Variants in DMD observed in about 807,000 individuals in gnomAD.
The protein encoded by DMD is dystrophin.
In DMD, 63 loss-of-function variants were observed where a neutral mutation model predicts 330.1. The observed-to-expected ratio is 0.19, with a 90% CI of 0.16 to 0.24. The LOEUF is 0.24. Ranked by LOEUF, DMD falls within the 10% of genes least tolerant of loss-of-function variation. The probability of loss-of-function intolerance (pLI) is 1.00; values close to 1 mark genes in which losing one functional copy is unlikely to be tolerated. For synonymous variants in DMD, 1,223 were observed against 959.8 expected, an observed-to-expected ratio of 1.27 and a Z score of -5.07; for missense variants, 3,344 against 2,684.1, an observed-to-expected ratio of 1.25 and a Z score of -5.43.
chrX:32,531,312 T>TA (rs1298573604), intron 17 of DMD, among the ~76,000 whole-genome samples: 4 of 111,581 alleles, frequency 3.6e-5, no homozygotes, highest in Non-Finnish European at 7.5e-5. Context: ...AATAATTTAG[T>TA]AAAATTTTCT....
chrX:32,311,553 C>A (rs1027123390), intron 41 of DMD, among the ~76,000 whole-genome samples: 2 of 111,562 alleles, frequency 1.8e-5, no homozygotes, highest in African/African-American at 6.5e-5. Context: ...CACAAATTAG[C>A]TATTAAATAA....
intron 7 of DMD, among the ~76,000 whole-genome samples, chrX:32,786,083 AAG>A (rs1491187214): frequency 1.1e-4 from 9 of 84,187 alleles, no homozygotes; most frequent in African/African-American, 5.0e-4. Flanking sequence ...GAGGAGGAAT[AAG>A]AGTGTGTGTG....
At chrX:31,366,470 CAAAAAA>C (rs34216082) in intron 60 of DMD, among the ~76,000 whole-genome samples, 1 of 10,651 alleles carries the variant, frequency 9.4e-5, no homozygotes, top group Non-Finnish European at 1.4e-4. Context: ...CTCTCTCTCT[CAAAAAA>C]AAAAAAAAAA....
intron 55 of DMD, among the ~76,000 whole-genome samples, chrX:31,563,824 TAA>T (rs1236559271): frequency 8.9e-6 from 1 of 112,267 alleles, no homozygotes; most frequent in African/African-American, 3.2e-5. Flanking sequence ...AACTAACGGT[TAA>T]GTTCTTTGCT....
At chrX:33,200,368 C>T (rs192214007) in intron 1 of DMD, among the ~76,000 whole-genome samples, 50 of 110,750 alleles carry the variant, frequency 4.5e-4, no homozygotes, top group Middle Eastern at 4.8e-3. Flanking sequence ...AACTTTCATA[C>T]GTAAACCACT....
chrX:32,973,838 G>A (rs2092462302), intron 2 of DMD, among the ~76,000 whole-genome samples: 1 of 111,346 alleles, frequency 9.0e-6, no homozygotes, highest in African/African-American at 3.3e-5. Context: ...CCAAACAACT[G>A]AAAACATGCA....
At chrX:31,877,744 A>C (rs764607886) in intron 47 of DMD, among the ~76,000 whole-genome samples, 1 of 111,505 alleles carries the variant, frequency 9.0e-6, no homozygotes, top group East Asian at 2.8e-4. Flanking sequence ...TGTTACAAAT[A>C]TACTCCTACG....
chrX:32,786,723 A>C (rs1486268206), intron 7 of DMD, among the ~76,000 whole-genome samples: 2 of 112,032 alleles, frequency 1.8e-5, no homozygotes, highest in Admixed American at 1.9e-4. Context: ...TCATGGAAGA[A>C]GAGAGGAATA....
intron 11 of DMD, among the ~76,000 whole-genome samples, chrX:32,621,366 C>T (rs1350812690): frequency 9.0e-6 from 1 of 111,412 alleles, no homozygotes; most frequent in Admixed American, 9.5e-5. Flanking sequence ...TTGAGCTCTG[C>T]CCCAAATCTG....
At chrX:31,959,764 C>G (rs2095282491) in intron 45 of DMD, among the ~76,000 whole-genome samples, 1 of 93,338 alleles carries the variant, frequency 1.1e-5, no homozygotes. Context: ...TTCAACAGCA[C>G]CGTGGTTTTT....
At chrX:32,647,855 G>A in intron 9 of DMD, among the ~76,000 whole-genome samples, 1 of 111,892 alleles carries the variant, frequency 8.9e-6, no homozygotes, top group Non-Finnish European at 1.9e-5. Context: ...CAGGTTTCAG[G>A]AGATGGAAAA....
At chrX:32,889,293 C>T (rs1302173268) in intron 2 of DMD, among the ~76,000 whole-genome samples, 1 of 111,352 alleles carries the variant, frequency 9.0e-6, no homozygotes, top group Non-Finnish European at 1.9e-5. Context: ...AAACACAGTG[C>T]TCAATGGGTT....
intron 60 of DMD, among the ~76,000 whole-genome samples, chrX:31,412,365 G>T: frequency 9.0e-6 from 1 of 111,547 alleles, no homozygotes; most frequent in Non-Finnish European, 1.9e-5. Flanking sequence ...TTTCAGTTGG[G>T]TATGTAGATG....
chrX:32,936,947 G>C (rs1055571456), intron 2 of DMD, among the ~76,000 whole-genome samples: 39 of 111,829 alleles, frequency 3.5e-4, no homozygotes, highest in African/African-American at 1.3e-3. Flanking sequence ...CCTCAAAGGA[G>C]TTAATATGCT....
At chrX:31,134,719 C>G (rs2034987793) in intron 76 of DMD, among the ~76,000 whole-genome samples, 1 of 112,552 alleles carries the variant, frequency 8.9e-6, no homozygotes, top group Non-Finnish European at 1.9e-5. Flanking sequence ...ACACGCCCAG[C>G]CTACTGCGTA....
intron 43 of DMD, among the ~76,000 whole-genome samples, chrX:32,261,895 T>A (rs185911593): frequency 9.3e-6 from 1 of 107,250 alleles, no homozygotes; most frequent in Non-Finnish European, 2.0e-5. Context: ...TCAGGACTAG[T>A]TATTTTAAAC....
At chrX:33,302,591 T>C (rs1418397467) in intron 1 of DMD, among the ~76,000 whole-genome samples, 1 of 111,592 alleles carries the variant, frequency 9.0e-6, no homozygotes. Context: ...ATTAGTAGTG[T>C]TGCACATTTT....
intron 25 of DMD, among the ~76,000 whole-genome samples, chrX:32,462,509 C>T (rs1002303919): frequency 3.4e-4 from 37 of 110,088 alleles, no homozygotes; most frequent in African/African-American, 1.2e-3. Flanking sequence ...TCTTACTATC[C>T]GTAATTGAAT....
chrX:32,438,209 A>C (rs1426892671), intron 29 of DMD, 32 bp downstream of exon 29: 7 of 1,198,139 alleles, frequency 5.8e-6, no homozygotes, highest in Non-Finnish European at 7.9e-6. Flanking sequence ...AATGCAAATT[A>C]GATTAAAGAG....
Sources: allele counts gnomAD v4.1 joint callset (sites outside exome capture counted in the v4.1 genomes callset), GRCh38; gene constraint gnomAD v4.1.1; transcripts MANE v1.5; gene names NCBI Gene and HGNC (gene_info 2026-07-23, HGNC 2026-07-21).